ADAMTSL1: variants seen among roughly 807,000 people sequenced by gnomAD.
ADAMTSL1 encodes the protein ADAMTS like 1, also known as ADAMTS-like protein 1.
ADAMTSL1 carries 126 observed loss-of-function variants against 201.8 expected under a neutral mutation model. The ratio of observed to expected loss-of-function variants is 0.62; its 90% CI spans 0.54 to 0.72. The LOEUF is 0.72. Among genes scored for constraint, ADAMTSL1 ranks in the 30% least tolerant of loss-of-function variants. ADAMTSL1 has a pLI of 0.00. For synonymous variants in ADAMTSL1, 1,121 were observed against 903.4 expected, an observed-to-expected ratio of 1.24 and a Z score of -4.32; for missense variants, 2,679 against 2,277.8, an observed-to-expected ratio of 1.18 and a Z score of -3.59.
intron 21 of ADAMTSL1, among the ~76,000 whole-genome samples, chr9:18,821,460 C>T (rs1054693515): frequency 1.1e-4 from 16 of 152,134 alleles, no homozygotes; most frequent in Admixed American, 3.9e-4. Context: ...TTAAGGGCCA[C>T]GCCTGGAAGG....
rs185363536 is a variant in ADAMTSL1, at chr9:18,082,726, T to C, written c.88-81136T>C. Among the ~76,000 whole-genome samples the C allele has an allele frequency of 4.6e-5, 7 of 152,158 alleles. 1 individual carries two copies. Among genetic ancestry groups the C allele is most frequent in the Admixed American group, 3.3e-4 (5 of 15,284 alleles). On this transcript the variant is annotated intron_variant, in intron 1 of 29. Transcript: ENST00000680146. ...GCTGGTTCCTCCATTGTCCCTCTGCTCACTGTTGTGAAGGAGCCTGCAGGA... is the reference window on the plus strand; with the variant it reads ...GCTGGTTCCTCCATTGTCCCTCTGCCCACTGTTGTGAAGGAGCCTGCAGGA...
At chr9:18,740,050 G>T (rs989593104) in intron 15 of ADAMTSL1, among the ~76,000 whole-genome samples, 2 of 152,106 alleles carry the variant, frequency 1.3e-5, no homozygotes, top group African/African-American at 4.8e-5. Flanking sequence ...ATGGGAAATG[G>T]CTTCATCTTT....
At position 18,719,719 on chromosome 9, in the gene ADAMTSL1, G is replaced by T. The variant is rs79078665; in HGVS notation, c.1877-1817G>T. ...TTTCTCAGACTTACAAAGAAGAAAG[G>T]TGATTTGGACTCCAGCTGAGTCACT... On this transcript the variant is annotated intron_variant, in intron 14 of 28. Transcript: ENST00000380548. Among the ~76,000 whole-genome samples, 541 of 152,246 alleles carry T rather than the reference G, an allele frequency of 3.6e-3. 8 individuals carry two copies. Among genetic ancestry groups the T allele is most frequent in the South Asian group, 0.018 (86 of 4,820 alleles).
intron 2 of ADAMTSL1, among the ~76,000 whole-genome samples, chr9:18,285,114 G>GT (rs1004256700): frequency 4.6e-4 from 70 of 152,082 alleles, no homozygotes; most frequent in African/African-American, 1.6e-3. Flanking sequence ...TAAGGTGTTT[G>GT]TTGGGTCTAG....
intron 2 of ADAMTSL1, among the ~76,000 whole-genome samples, chr9:18,282,315 G>A (rs1327945185): frequency 1.3e-5 from 2 of 152,098 alleles, no homozygotes; most frequent in African/African-American, 2.4e-5. Context: ...GTCAACTATC[G>A]ATAGACAATT....
Position 18,892,415 on chromosome 9 carries a change from G to A in ADAMTSL1, c.4670G>A (p.Cys1557Tyr). The A allele has an allele frequency of 1.2e-6, 2 of 1,613,412 alleles. No homozygotes were observed. The highest frequency in any genetic ancestry group is 2.2e-5 in the East Asian group (1 of 44,870). Residue 1557 changes from cysteine to tyrosine, a missense_variant, in exon 26 of 29, where the codon TGT becomes TAT. Cys to Tyr is a radical substitution (Grantham distance 194, BLOSUM62 -2). Coordinates refer to ENST00000380548, the MANE Select transcript of ADAMTSL1 (RefSeq NM_001040272.6). ...TGGATGGTGACCTCCTGGTCTGCCT[G>A]TACCCGGAGCTGTGGGGGAGGTGTC... ...SRWMVTSWSA[C>Y]TRSCGGGVQT...
chr9:18,228,240 G>A (rs1408423136), intron 2 of ADAMTSL1, among the ~76,000 whole-genome samples: 7 of 152,290 alleles, frequency 4.6e-5, no homozygotes, highest in African/African-American at 1.4e-4. Context: ...CTTGATGATA[G>A]TTCCTGCGTG....
intron 20 of ADAMTSL1, among the ~76,000 whole-genome samples, chr9:18,804,956 TTAAAC>T (rs1207354024): frequency 2.6e-5 from 4 of 152,244 alleles, no homozygotes; most frequent in African/African-American, 9.6e-5. Flanking sequence ...CTTCATTGCT[TTAAAC>T]TAAAATATTA....
Position 18,065,985 on chromosome 9 carries a change from C to CAA in ADAMTSL1, c.88-97849_88-97848dup, listed in dbSNP as rs34179730. Among the ~76,000 whole-genome samples, 38 of 38,126 alleles carry CAA rather than the reference C, an allele frequency of 1.0e-3. 3 individuals carry two copies. In the East Asian group the frequency reaches 0.012, roughly 12 times the overall value. The allele number at this position is 38,126 out of a possible 152,430, so 25.0% of individuals were successfully genotyped here. A position where few individuals can be genotyped will look rare whatever the true frequency, so the allele number is the denominator to read the frequency against. On this transcript the variant is annotated intron_variant, in intron 1 of 29. Coordinates refer to the ADAMTSL1 transcript ENST00000680146. ...CTTGGGACAGAGCGAGACTCCATCT[C>CAA]AAAAAAAAAAAAAAAAAAAAAAAAA...
intron 2 of ADAMTSL1, among the ~76,000 whole-genome samples, chr9:18,313,453 A>C (rs75562438): frequency 1.3e-5 from 2 of 152,158 alleles, no homozygotes; most frequent in African/African-American, 4.8e-5. Flanking sequence ...ACACATTAGA[A>C]TCATAGAGAG....
intron 1 of ADAMTSL1, among the ~76,000 whole-genome samples, chr9:18,128,147 A>G (rs1825813417): frequency 6.6e-6 from 1 of 152,200 alleles, no homozygotes; most frequent in South Asian, 2.1e-4. Flanking sequence ...GCTTCTGGGT[A>G]TGCAAACTCT....
chr9:18,057,393 G>A (rs556202648), intron 1 of ADAMTSL1, among the ~76,000 whole-genome samples: 1 of 152,096 alleles, frequency 6.6e-6, no homozygotes, highest in Non-Finnish European at 1.5e-5. Flanking sequence ...AAATAAAAAA[G>A]TTTTTAATGT....
intron 1 of ADAMTSL1, among the ~76,000 whole-genome samples, chr9:18,116,726 A>G (rs940571136): frequency 6.6e-6 from 1 of 152,112 alleles, no homozygotes; most frequent in Non-Finnish European, 1.5e-5. Flanking sequence ...AAATTTTATT[A>G]TGATTATACT....
At chr9:18,613,027 A>C (rs993678463) in intron 4 of ADAMTSL1, among the ~76,000 whole-genome samples, 3 of 151,522 alleles carry the variant, frequency 2.0e-5, no homozygotes, top group African/African-American at 7.2e-5. Flanking sequence ...AGAAAAAAAC[A>C]ATGCCATTAA....
intron 19 of ADAMTSL1, among the ~76,000 whole-genome samples, chr9:18,779,480 T>C (rs1345493687): frequency 6.6e-6 from 1 of 152,200 alleles, no homozygotes; most frequent in African/African-American, 2.4e-5. Context: ...TAGTAGGTAC[T>C]ACTGTAGTTA....
At chr9:18,452,275 G>A (rs6475218) in intron 2 of ADAMTSL1, among the ~76,000 whole-genome samples, 82,664 of 151,986 alleles carry the variant, frequency 0.54, 22,589 homozygotes, top group African/African-American at 0.59. Context: ...TAATAATAAT[G>A]TAATCCATTC....
intron 1 of ADAMTSL1, among the ~76,000 whole-genome samples, chr9:18,006,374 C>G (rs1176878367): frequency 6.6e-6 from 1 of 151,944 alleles, no homozygotes; most frequent in Non-Finnish European, 1.5e-5. Context: ...AAACAGCTCA[C>G]TAAGTTCCTG....
At chr9:18,012,987 A>G (rs1820114237) in intron 1 of ADAMTSL1, among the ~76,000 whole-genome samples, 1 of 132,674 alleles carries the variant, frequency 7.5e-6, no homozygotes, top group Non-Finnish European at 1.6e-5. Context: ...CCATTTACTT[A>G]CCAGCATTTT....
At chr9:18,223,072 G>C (rs1830323228) in intron 2 of ADAMTSL1, among the ~76,000 whole-genome samples, 1 of 151,898 alleles carries the variant, frequency 6.6e-6, no homozygotes, top group Admixed American at 6.6e-5. Context: ...TGGGGAGGGA[G>C]ATTTCTAAAT....
Sources: gnomAD v4.1 joint callset for allele counts (sites outside exome capture counted in the v4.1 genomes callset) on GRCh38, gnomAD v4.1.1 for gene constraint, MANE v1.5 for transcripts, NCBI Gene and HGNC (gene_info 2026-07-23, HGNC 2026-07-21) for gene names.